PCDH11X: variants seen among roughly 807,000 people sequenced by gnomAD.
PCDH11X encodes the protein protocadherin-11 X-linked.
PCDH11X carries 18 observed loss-of-function variants against 53.3 expected under a neutral mutation model. The ratio of observed to expected loss-of-function variants is 0.34; its 90% CI spans 0.23 to 0.50. The LOEUF is 0.50. Among genes scored for constraint, PCDH11X ranks in the 20% least tolerant of loss-of-function variants. The pLI is 0.98. For synonymous variants in PCDH11X, 279 were observed against 393.3 expected (o/e 0.71, Z 3.44); for missense variants, 570 against 1,032.4 (o/e 0.55, Z 6.14).
intron 10 of PCDH11X, among the ~76,000 whole-genome samples, chrX:92,569,104 T>G (rs1921883958): frequency 9.1e-6 from 1 of 110,230 alleles, no homozygotes; most frequent in Admixed American, 9.8e-5. Context: ...ATAATATAAT[T>G]TATTCATTAA....
At chrX:92,168,828 T>G (rs781578850) in intron 6 of PCDH11X, among the ~76,000 whole-genome samples, 17 of 111,353 alleles carry the variant, frequency 1.5e-4, no homozygotes, top group African/African-American at 5.5e-4. Flanking sequence ...AGAAGCAAAA[T>G]CCCAGTTTCA....
intron 7 of PCDH11X, among the ~76,000 whole-genome samples, chrX:92,242,097 C>CA (rs201713655): frequency 0.036 from 3,686 of 101,222 alleles, 107 homozygotes; most frequent in East Asian, 0.23. Flanking sequence ...ACCTCCATCT[C>CA]AAAAAAAAAA....
chrX:92,182,708 C>T (rs1177672100), intron 6 of PCDH11X, among the ~76,000 whole-genome samples: 2 of 111,876 alleles, frequency 1.8e-5, no homozygotes, highest in African/African-American at 6.5e-5. Flanking sequence ...TTGCTTACTG[C>T]CATCCATGTG....
chrX:92,612,375 A>G (rs1368938520), intron 10 of PCDH11X, among the ~76,000 whole-genome samples: 2 of 108,526 alleles, frequency 1.8e-5, no homozygotes, highest in East Asian at 2.9e-4. Context: ...TAAATTTTCT[A>G]TTTTGTGTGC....
At chrX:92,326,945 T>G (rs1453197264) in intron 8 of PCDH11X, among the ~76,000 whole-genome samples, 1 of 109,500 alleles carries the variant, frequency 9.1e-6, no homozygotes, top group Admixed American at 9.9e-5. Context: ...CATTCCAATA[T>G]GAAGTCTCTC....
chrX:91,895,201 C>T (rs1177519487), intron 6 of PCDH11X, among the ~76,000 whole-genome samples: 3 of 111,668 alleles, frequency 2.7e-5, no homozygotes, highest in Non-Finnish European at 3.8e-5. Context: ...ATTCCCTGAG[C>T]GGTGGTCACT....
intron 6 of PCDH11X, among the ~76,000 whole-genome samples, chrX:92,034,998 T>C (rs1238927430): frequency 3.6e-5 from 4 of 110,554 alleles, no homozygotes; most frequent in African/African-American, 3.3e-5. Context: ...ACCTTAACAT[T>C]GTTTGCATAA....
intron 10 of PCDH11X, among the ~76,000 whole-genome samples, chrX:92,484,086 CTGTGTG>C (rs370267882): frequency 4.2e-4 from 33 of 77,896 alleles, no homozygotes; most frequent in Middle Eastern, 6.3e-3. Context: ...AAGAAAATCT[CTGTGTG>C]TGTGTGTGTG....
chrX:92,280,649 T>A (rs1291594806), intron 8 of PCDH11X, among the ~76,000 whole-genome samples: 1 of 111,109 alleles, frequency 9.0e-6, no homozygotes, highest in Non-Finnish European at 1.9e-5. Context: ...AACTGGAGAA[T>A]TATGTCCCAA....
intron 7 of PCDH11X, among the ~76,000 whole-genome samples, chrX:92,224,542 CT>C (rs1298876410): frequency 9.0e-6 from 1 of 111,377 alleles, no homozygotes; most frequent in African/African-American, 3.3e-5. Flanking sequence ...AGCCTGTCAA[CT>C]GACAAGACTG....
chrX:92,283,831 A>G (rs2068301018), intron 8 of PCDH11X, among the ~76,000 whole-genome samples: 1 of 111,631 alleles, frequency 9.0e-6, no homozygotes, highest in Admixed American at 9.5e-5. Flanking sequence ...TTTTTCTTAC[A>G]TGAAATTCAG....
In PCDH11X at chrX:92,622,077, A is replaced by G. The variant is rs1403910919; in HGVS notation, c.*3137A>G. On this transcript the variant is annotated 3_prime_UTR_variant, in exon 11 of 11. Coordinates refer to ENST00000682573, the MANE Select transcript of PCDH11X (RefSeq NM_032968.5). ...GTGTATTAAAAATTAGCTTTTACAT[A>G]TGATATCTACAATGTAATAAATTTA... The G allele has an allele frequency of 1.0e-5, 1 of 100,487 alleles. No homozygotes were observed. Among genetic ancestry groups the G allele is most frequent in the Non-Finnish European group, 2.0e-5 (1 of 49,618 alleles). 8.3% of individuals were successfully genotyped at this position (100,487 alleles called of 1,213,427 possible).
In PCDH11X at chrX:92,448,605, G is replaced by C. The variant is rs375441955; in HGVS notation, c.3344-19694G>C. Among the ~76,000 whole-genome samples the C allele has an allele frequency of 9.4e-4, 89 of 94,307 alleles. No homozygotes were observed. In the East Asian group the frequency reaches 0.024, roughly 26 times the overall value. 81.9% of individuals were successfully genotyped at this position (94,307 alleles called of 115,157 possible). ...TTCCTGTATAAATTACCCAGTCTCA[G>C]GTATGTCGTTATTAGCAGTGTGAAA... On this transcript the variant is annotated intron_variant, in intron 9 of 10. Transcript: ENST00000682573.
At chrX:92,464,468 G>T (rs776219034) in intron 9 of PCDH11X, among the ~76,000 whole-genome samples, 3 of 110,772 alleles carry the variant, frequency 2.7e-5, no homozygotes, top group Non-Finnish European at 5.7e-5. Context: ...ATGTGAAGAA[G>T]TGTGTGTTTG....
At chrX:91,829,663 C>T (rs2147606233) in intron 4 of PCDH11X, among the ~76,000 whole-genome samples, 1 of 110,988 alleles carries the variant, frequency 9.0e-6, no homozygotes, top group African/African-American at 3.3e-5. Context: ...TTCCTTTACA[C>T]GAGGGACCTT....
At chrX:92,393,965 A>G (rs1420500016) in intron 9 of PCDH11X, among the ~76,000 whole-genome samples, 1 of 111,089 alleles carries the variant, frequency 9.0e-6, no homozygotes, top group Non-Finnish European at 1.9e-5. Context: ...GAAGCTTCTG[A>G]AAGTTTATAA....
chrX:91,949,410 G>A (rs929877265), intron 6 of PCDH11X, among the ~76,000 whole-genome samples: 2 of 110,316 alleles, frequency 1.8e-5, no homozygotes, highest in African/African-American at 6.6e-5. Flanking sequence ...AGATAACCCT[G>A]AGAGATAATA....
intron 8 of PCDH11X, among the ~76,000 whole-genome samples, chrX:92,333,458 A>G (rs1236239753): frequency 9.0e-6 from 1 of 111,547 alleles, no homozygotes; most frequent in Non-Finnish European, 1.9e-5. Context: ...TCAAGCGTTC[A>G]ATTTCCCAAA....
chrX:91,918,160 T>C (rs1233807622), intron 6 of PCDH11X, among the ~76,000 whole-genome samples: 1 of 109,214 alleles, frequency 9.2e-6, no homozygotes, highest in Non-Finnish European at 1.9e-5. Flanking sequence ...ACTACTAATT[T>C]ATTATCTCAC....
Sources: gnomAD v4.1 joint callset for allele counts (sites outside exome capture counted in the v4.1 genomes callset) on GRCh38, gnomAD v4.1.1 for gene constraint, MANE v1.5 for transcripts, NCBI Gene and HGNC (gene_info 2026-07-23, HGNC 2026-07-21) for gene names.